ITGA8: variants seen among roughly 807,000 people sequenced by gnomAD.
ITGA8 encodes the protein integrin subunit alpha 8.
A neutral mutation model predicts 142.3 loss-of-function variants in ITGA8; 91 were observed. The observed-to-expected ratio is 0.64, with a 90% CI of 0.54 to 0.76. The LOEUF (loss-of-function observed/expected upper bound fraction) is 0.76. ITGA8 is among the 30% of genes least tolerant of loss of function. ITGA8 has a pLI of 0.00. For missense variants in ITGA8, 1,406 were observed against 1,327.7 expected (o/e 1.06, Z -0.92); for synonymous variants, 505 against 485.2 (o/e 1.04, Z -0.54).
At position 15,673,681 on chromosome 10, in the gene ITGA8, T is replaced by A. The variant is rs72781809; in HGVS notation, c.677-932A>T. ...TTAAATGAAGGAATTGTAAACTCTT[T>A]GAGCCATCTGCTTTTCTTGCTAAAA... On this transcript the variant is annotated intron_variant, in intron 6 of 29. Transcript: ENST00000378076. Among the ~76,000 whole-genome samples the A allele has an allele frequency of 1.6e-3, 251 of 152,354 alleles. 2 individuals are homozygous for A. The highest frequency in any genetic ancestry group is 3.0e-3 in the Non-Finnish European group (201 of 68,034).
At chr10:15,568,065 G>A (rs925207715) in intron 25 of ITGA8, among the ~76,000 whole-genome samples, 5 of 152,122 alleles carry the variant, frequency 3.3e-5, no homozygotes, top group African/African-American at 1.2e-4. Context: ...GGGACTACAG[G>A]CATGTGTCAT....
At chr10:15,572,955 C>T (rs1461350748) in intron 24 of ITGA8, among the ~76,000 whole-genome samples, 1 of 152,186 alleles carries the variant, frequency 6.6e-6, no homozygotes, top group Non-Finnish European at 1.5e-5. Flanking sequence ...AAGAGATGAA[C>T]ATTTTTTAAC....
intron 2 of ITGA8, among the ~76,000 whole-genome samples, chr10:15,691,630 T>C (rs1934943): frequency 0.79 from 119,374 of 152,060 alleles, 48,224 homozygotes; most frequent in Middle Eastern, 0.89. Flanking sequence ...TGATCTCCCT[T>C]ATATGTGGAA....
At chr10:15,666,791 C>T (rs1020875215) in intron 8 of ITGA8, among the ~76,000 whole-genome samples, 1 of 152,102 alleles carries the variant, frequency 6.6e-6, no homozygotes, top group Non-Finnish European at 1.5e-5. Context: ...TGGTTTTTGT[C>T]TTTGTTCTGT....
chr10:15,527,127 A>G (rs1238086343), intron 28 of ITGA8, among the ~76,000 whole-genome samples: 1 of 152,208 alleles, frequency 6.6e-6, no homozygotes, highest in Non-Finnish European at 1.5e-5. Flanking sequence ...GGTGCCATTT[A>G]GAACAAAATA....
At chr10:15,637,548 G>A (rs1457028161) in intron 13 of ITGA8, among the ~76,000 whole-genome samples, 3 of 138,968 alleles carry the variant, frequency 2.2e-5, no homozygotes, top group African/African-American at 2.8e-5. Context: ...TCTCACTCCT[G>A]TTGTCCAGGC....
chr10:15,548,018 T>C (rs978821562), intron 27 of ITGA8, among the ~76,000 whole-genome samples: 11 of 152,296 alleles, frequency 7.2e-5, no homozygotes, highest in African/African-American at 2.4e-4. Context: ...TACATTTTAT[T>C]TGAAGTAATT....
At chr10:15,539,856 C>A (rs902865942) in intron 27 of ITGA8, among the ~76,000 whole-genome samples, 1 of 152,120 alleles carries the variant, frequency 6.6e-6, no homozygotes, top group African/African-American at 2.4e-5. Context: ...TTGTAATAAT[C>A]CCCAGTGTCA....
intron 13 of ITGA8, among the ~76,000 whole-genome samples, chr10:15,619,911 C>CATAATT (rs1833458111): frequency 6.6e-6 from 1 of 152,084 alleles, no homozygotes; most frequent in Non-Finnish European, 1.5e-5. Flanking sequence ...TTGTTCTTGG[C>CATAATT]CCCAAATAAG....
chr10:15,703,941 C>T (rs1363832610), intron 2 of ITGA8, among the ~76,000 whole-genome samples: 1 of 152,126 alleles, frequency 6.6e-6, no homozygotes, highest in Non-Finnish European at 1.5e-5. Flanking sequence ...CACTTAAGAC[C>T]AGATTAGAAC....
chr10:15,613,894 C>T (rs1379665149), intron 14 of ITGA8, 127 bp from the exon 15 acceptor site: 2 of 644,050 alleles, frequency 3.1e-6, no homozygotes, highest in Admixed American at 2.8e-5. Flanking sequence ...CCAACGTTCT[C>T]AGCATTTGTG....
intron 12 of ITGA8, among the ~76,000 whole-genome samples, chr10:15,644,681 A>G (rs1833945217): frequency 6.6e-6 from 1 of 150,618 alleles, no homozygotes; most frequent in African/African-American, 2.4e-5. Flanking sequence ...ATAGTTTAGT[A>G]TACTCAAAAA....
At chr10:15,555,033 G>A (rs1336673234) in intron 26 of ITGA8, among the ~76,000 whole-genome samples, 1 of 152,162 alleles carries the variant, frequency 6.6e-6, no homozygotes, top group Non-Finnish European at 1.5e-5. Context: ...CCTTTCTTCA[G>A]TGATAGCTAC....
chr10:15,535,520 AG>A (rs1833412240), intron 27 of ITGA8, among the ~76,000 whole-genome samples: 1 of 152,222 alleles, frequency 6.6e-6, no homozygotes, highest in Admixed American at 6.5e-5. Context: ...TGTCTAGCTC[AG>A]GGTTTGTGAA....
At chr10:15,532,069 G>T (rs1365547823) in intron 27 of ITGA8, among the ~76,000 whole-genome samples, 4 of 152,010 alleles carry the variant, frequency 2.6e-5, no homozygotes, top group African/African-American at 9.7e-5. Context: ...CCTCTGCATT[G>T]TAGGATGTTT....
intron 27 of ITGA8, among the ~76,000 whole-genome samples, chr10:15,532,440 A>AGAAAAAAAAT (rs1833328299): frequency 6.7e-6 from 1 of 149,342 alleles, no homozygotes; most frequent in Non-Finnish European, 1.5e-5. Context: ...AAAAAAAAAA[A>AGAAAAAAAAT]AAAAAAGCCT....
chr10:15,547,205 G>T (rs916408621), intron 27 of ITGA8, among the ~76,000 whole-genome samples: 1 of 152,156 alleles, frequency 6.6e-6, no homozygotes, highest in Non-Finnish European at 1.5e-5. Flanking sequence ...TAACACAGCA[G>T]TATCATTTAA....
rs1261508528 is a variant in ITGA8, at chr10:15,687,985, T to G, written c.397A>C (p.Asn133His). The G allele has an allele frequency of 3.7e-6, 6 of 1,613,824 alleles. 1 individual carries two copies. The African/African-American group carries it at 4.0e-5, about 11-fold the overall frequency. The change falls in exon 3 of 30, where the codon AAT (asparagine) becomes CAT (histidine). Residue 133 changes from asparagine (N) to histidine (H), a missense_variant. Physicochemically the swap from Asn to His is moderately conservative, Grantham distance 68. Transcript: ENST00000378076. Reference sequence around the variant, plus strand: ...TTCACTGTTGCTCCAAACCACTGATTGGATTTGAACTCGATAGGTTCTTTG... The same window carrying G: ...TTCACTGTTGCTCCAAACCACTGATGGGATTTGAACTCGATAGGTTCTTTG... ...GTKEPIEFKSNQWFGATVKAH... is the reference protein window; with the variant it reads ...GTKEPIEFKSHQWFGATVKAH...
chr10:15,653,944 C>A (rs1295141604), intron 11 of ITGA8, among the ~76,000 whole-genome samples: 3 of 151,848 alleles, frequency 2.0e-5, no homozygotes, highest in African/African-American at 7.2e-5. Flanking sequence ...AAGGGATTAT[C>A]CTGCCTCAGC....
Sources: allele counts gnomAD v4.1 joint callset (sites outside exome capture counted in the v4.1 genomes callset), GRCh38; gene constraint gnomAD v4.1.1; transcripts MANE v1.5; gene names NCBI Gene and HGNC (gene_info 2026-07-23, HGNC 2026-07-21).